Variants in MYO1C observed in about 807,000 individuals in gnomAD.
MYO1C encodes unconventional myosin-Ic.
In MYO1C, 104 loss-of-function variants were observed where a neutral mutation model predicts 150.8. The ratio of observed to expected loss-of-function variants is 0.69; its 90% CI spans 0.59 to 0.81. The LOEUF is 0.81. Ranked by LOEUF, MYO1C falls within the 30% of genes least tolerant of loss-of-function variation. The pLI, the probability that MYO1C is intolerant of heterozygous loss-of-function variation, is 0.00. For missense variants in MYO1C, 1,504 were observed against 1,435.0 expected (o/e 1.05, Z -0.78); for synonymous variants, 663 against 579.9 (o/e 1.14, Z -2.06).
At position 1,474,591 on chromosome 17, in the gene MYO1C, G is replaced by A. The variant is rs763527910; in HGVS notation, c.1797+19C>T. 8 of 1,612,830 alleles carry A rather than the reference G, an allele frequency of 5.0e-6. No homozygotes were observed. Among genetic ancestry groups the A allele is most frequent in the African/African-American group, 4.0e-5 (3 of 74,906 alleles). On this transcript the variant is annotated intron_variant, in intron 17 of 31. Coordinates refer to ENST00000648651, the MANE Select transcript of MYO1C (RefSeq NM_001080779.2). ...CTCAGGCGCATGCACCCCTGCGCCC[G>A]GTCCCGCCACCTCCTCACCGTCTCT...
rs1567508882 is a variant in MYO1C, at chr17:1,464,203, C to T, written c.*1523G>A. ...AGACCACATTGGCAAACACGTATTG[C>T]TTTATTTAGTGTTTCTCTGGATTGC... On this transcript the variant is annotated 3_prime_UTR_variant, in exon 32 of 32. Coordinates refer to ENST00000648651, the MANE Select transcript of MYO1C (RefSeq NM_001080779.2). The T allele has an allele frequency of 6.6e-6, 1 of 152,658 alleles. No individual in the cohort carries two copies. The highest frequency in any genetic ancestry group is 6.5e-5 in the Admixed American group (1 of 15,272). The allele number at this position is 152,658 out of a possible 1,614,324, so 9.5% of individuals were successfully genotyped here. A position where few individuals can be genotyped will look rare whatever the true frequency, so the allele number is the denominator to read the frequency against.
intron 1 of MYO1C, among the ~76,000 whole-genome samples, chr17:1,487,421 G>A (rs2074676846): frequency 6.6e-6 from 1 of 152,214 alleles, no homozygotes; most frequent in African/African-American, 2.4e-5. Flanking sequence ...GGGAGAGGGC[G>A]AGGCTGCGGC....
At position 1,479,273 on chromosome 17, in the gene MYO1C, G is replaced by A. The variant is rs781532564; in HGVS notation, c.1092+158C>T. Among the ~76,000 whole-genome samples, 3 of 152,300 alleles carry A rather than the reference G, an allele frequency of 2.0e-5. No individual in the cohort carries two copies. The highest frequency in any genetic ancestry group is 6.5e-5 in the Admixed American group (1 of 15,304). On this transcript the variant is annotated intron_variant, in intron 9 of 31. Transcript: ENST00000648651. This position sits in a 1 kb window ranked among gnomAD's most constrained non-coding sequence, Gnocchi z 4.2. ...CTCCCCAAGTGCTGGGGTTACAGGC[G>A]TGAGCCACGGCGCTCGGCTCTCACT...
At chr17:1,470,107 C>A (rs1675098444) in intron 24 of MYO1C, 68 bp downstream of exon 24, 1 of 1,494,436 alleles carries the variant, frequency 6.7e-7, no homozygotes, top group Admixed American at 2.1e-5. Flanking sequence ...ATCCTTTGGC[C>A]CGAAGAAATC....
intron 15 of MYO1C, 35 bp downstream of exon 15, chr17:1,474,903 A>G (rs1484163915): frequency 3.1e-6 from 5 of 1,612,364 alleles, no homozygotes; most frequent in Non-Finnish European, 4.2e-6. Flanking sequence ...GCCTCCCCGC[A>G]GGCCCCTGTG....
At chr17:1,468,150 G>C (rs775578554) in intron 27 of MYO1C, 27 bp from the exon 28 acceptor site, 2 of 1,612,636 alleles carry the variant, frequency 1.2e-6, no homozygotes, top group Non-Finnish European at 1.7e-6. Context: ...GGCTGAAGGG[G>C]CTGGGGAGAG....
intron 31 of MYO1C, among the ~76,000 whole-genome samples, chr17:1,466,408 G>A (rs34181570): frequency 0.087 from 13,166 of 151,972 alleles, 721 homozygotes; most frequent in Admixed American, 0.15. Flanking sequence ...TCGGCTCACC[G>A]CAACCTCCAC....
chr17:1,478,527 CT>C lies in MYO1C; in HGVS notation c.1213-36del. ...TCATTCAACCGAAGGCGTGGGCCCCCTGCGCGTGCCAGCCCCACCCTGCAGC... is the reference window on the plus strand; with the variant it reads ...TCATTCAACCGAAGGCGTGGGCCCCCGCGCGTGCCAGCCCCACCCTGCAGC... On this transcript the variant is annotated intron_variant, in intron 10 of 31. Coordinates refer to ENST00000648651, the MANE Select transcript of MYO1C (RefSeq NM_001080779.2). This position sits in a 1 kb window ranked among gnomAD's most constrained non-coding sequence, Gnocchi z 6.3. 2 of 1,613,816 alleles carry C rather than the reference CT, an allele frequency of 1.2e-6. No homozygotes were observed. The highest frequency in any genetic ancestry group is 1.6e-4 in the Middle Eastern group (1 of 6,062).
chr17:1,482,279 A>G (rs985958011), intron 5 of MYO1C, among the ~76,000 whole-genome samples, 199 bp downstream of exon 5: 2 of 148,842 alleles, frequency 1.3e-5, no homozygotes, highest in Non-Finnish European at 3.0e-5. Context: ...CCTGCCCCCC[A>G]CTCCTTACTG....
In MYO1C at chr17:1,484,088, C is replaced by T. The variant is rs925650781; in HGVS notation, c.231+60G>A. On this transcript the variant is annotated intron_variant, in intron 2 of 31. Transcript: ENST00000648651. ...CCGGTGACCCTTGGTGTCTCTTTCCCCTCCGCTTGCCTGTGTCTGTGACCC... is the reference window on the plus strand; with the variant it reads ...CCGGTGACCCTTGGTGTCTCTTTCCTCTCCGCTTGCCTGTGTCTGTGACCC... 5 of 1,601,516 alleles carry T rather than the reference C, an allele frequency of 3.1e-6. No homozygotes were observed. In the African/African-American group the frequency reaches 4.0e-5, roughly 13 times the overall value.
intron 17 of MYO1C, chr17:1,472,440 G>C: frequency 6.9e-6 from 4 of 581,162 alleles, no homozygotes; most frequent in Non-Finnish European, 1.2e-5. Flanking sequence ...CTCAGTCTAC[G>C]AGCCTCACTC....
chr17:1,480,388 C>T (rs983731168), intron 7 of MYO1C, 139 bp downstream of exon 7: 26 of 756,108 alleles, frequency 3.4e-5, no homozygotes, highest in Non-Finnish European at 5.7e-5. Flanking sequence ...GCGGAGGTTG[C>T]AGTGAGCTGA....
chr17:1,470,877 G>T, intron 21 of MYO1C, 188 bp from the exon 22 acceptor site: 1 of 879,424 alleles, frequency 1.1e-6, no homozygotes, highest in Non-Finnish European at 1.8e-6. Flanking sequence ...GGGATGGTGG[G>T]CGTGGGGCTG....
At chr17:1,473,376 G>T (rs1246731608) in intron 17 of MYO1C, among the ~76,000 whole-genome samples, 2 of 152,112 alleles carry the variant, frequency 1.3e-5, no homozygotes, top group Non-Finnish European at 2.9e-5. Flanking sequence ...CGAGTCTGTG[G>T]CTTGCTGGAG....
Position 1,478,751 on chromosome 17 carries a change from G to A in MYO1C, c.1093-16C>T, listed in dbSNP as rs1398557064. 6.2e-7 allele frequency: 1 copy of A among 1,613,216 alleles called. No homozygotes were observed. The highest frequency in any genetic ancestry group is 2.2e-5 in the East Asian group (1 of 44,892). On this transcript the variant is annotated splice_polypyrimidine_tract_variant and intron_variant, in intron 9 of 31. Coordinates refer to ENST00000648651, the MANE Select transcript of MYO1C (RefSeq NM_001080779.2). The surrounding 1 kb of genome is among the most constrained non-coding windows in gnomAD (Gnocchi z 6.3). ...GGCTCAGGAGCTGTGGACGCAGCGT[G>A]AGACAAGGAGATGAATGCCACAGAG... is the stretch of plus-strand genomic sequence containing the variant.
At chr17:1,487,739 G>GA (rs2074681974) in intron 1 of MYO1C, among the ~76,000 whole-genome samples, 1 of 152,180 alleles carries the variant, frequency 6.6e-6, no homozygotes, top group South Asian at 2.1e-4. Flanking sequence ...CCAGCATGGC[G>GA]AAACCCCCTC....
In MYO1C at chr17:1,478,972, C is replaced by A. The variant is rs572401621; in HGVS notation, c.1093-237G>T. The stretch of plus-strand genomic sequence containing the variant: ...CCCGAGGTGGGAGTCTGGTTCTAGC[C>A]GGACTGTTACTCTCTTCCTATGTGA... On this transcript the variant is annotated intron_variant, in intron 9 of 31. Transcript: ENST00000648651. The surrounding 1 kb of genome is among the most constrained non-coding windows in gnomAD (Gnocchi z 6.3). Among the ~76,000 whole-genome samples the A allele has an allele frequency of 6.6e-6, 1 of 152,098 alleles. No individual in the cohort carries two copies. The highest frequency in any genetic ancestry group is 1.5e-5 in the Non-Finnish European group (1 of 68,016).
At chr17:1,465,831 T>G in intron 31 of MYO1C, 79 bp from the exon 32 acceptor site, 3 of 1,118,138 alleles carry the variant, frequency 2.7e-6, no homozygotes, top group Non-Finnish European at 3.5e-6. Context: ...CTTTTCGTCC[T>G]TGTTTTTTCC....
Position 1,478,624 on chromosome 17 carries a change from C to G in MYO1C, c.1204G>C (p.Ala402Pro). The G allele has an allele frequency of 6.2e-7, 1 of 1,614,094 alleles. No individual in the cohort carries two copies. ...WLVGKINRSL[A>P]SKDVESPSWR... is the part of the protein sequence containing the mutation. Reference sequence around the variant, plus strand: ...GTGGACCGAGCCCTCACCTTGGAGGCCAGCGACCTGTTGATCTTCCCGACG... The same window carrying G: ...GTGGACCGAGCCCTCACCTTGGAGGGCAGCGACCTGTTGATCTTCCCGACG... The change falls in exon 10 of 32, where the codon GCC becomes CCC. Residue 402 changes from alanine to proline, a missense_variant. Transcript: ENST00000648651. This position sits in a 1 kb window ranked among gnomAD's most constrained non-coding sequence, Gnocchi z 6.3.
Sources: gnomAD v4.1 joint callset for allele counts (sites outside exome capture counted in the v4.1 genomes callset) on GRCh38, gnomAD v4.1.1 for gene constraint, Gnocchi (gnomAD v3.1) non-coding constraint, MANE v1.5 for transcripts, NCBI Gene and HGNC (gene_info 2026-07-23, HGNC 2026-07-21) for gene names.